TCF7L1: variants seen among roughly 807,000 people sequenced by gnomAD.
TCF7L1 encodes the protein transcription factor 7 like 1, also known as transcription factor 7-like 1.
TCF7L1 carries 18 observed loss-of-function variants against 63.7 expected under a neutral mutation model. The observed-to-expected ratio is 0.28, with a 90% confidence interval of 0.20 to 0.42. TCF7L1 has a LOEUF of 0.42. Among genes scored for constraint, TCF7L1 ranks in the 10% least tolerant of loss-of-function variants. TCF7L1 has a pLI of 1.00. For missense variants in TCF7L1, 654 were observed against 779.3 expected (o/e 0.84, Z 1.91); for synonymous variants, 355 against 340.9 (o/e 1.04, Z -0.46).
chr2:85,157,950 G>T (rs1328779541), intron 3 of TCF7L1, among the ~76,000 whole-genome samples: 1 of 152,210 alleles, frequency 6.6e-6, no homozygotes, highest in Admixed American at 6.5e-5. Context: ...TTGTGCAGAT[G>T]GGGGCATGGC....
chr2:85,135,645 C>T (rs903398624), intron 3 of TCF7L1, among the ~76,000 whole-genome samples: 7 of 150,644 alleles, frequency 4.6e-5, no homozygotes, highest in African/African-American at 1.7e-4. Context: ...CCAAGTCCTC[C>T]ACATTTGGTT....
chr2:85,257,967 G>A (rs1335603728), intron 3 of TCF7L1, among the ~76,000 whole-genome samples: 1 of 152,120 alleles, frequency 6.6e-6, no homozygotes, highest in East Asian at 1.9e-4. Context: ...TCAAATCCTG[G>A]CTCCACAACC....
At chr2:85,182,368 G>A (rs1047376870) in intron 3 of TCF7L1, among the ~76,000 whole-genome samples, 1 of 152,178 alleles carries the variant, frequency 6.6e-6, no homozygotes, top group African/African-American at 2.4e-5. Flanking sequence ...GTGCTGGCCT[G>A]GGGTGCCAGG....
intron 3 of TCF7L1, among the ~76,000 whole-genome samples, chr2:85,274,180 A>C (rs1177066284): frequency 6.6e-6 from 1 of 152,210 alleles, no homozygotes; most frequent in Admixed American, 6.5e-5. Context: ...GGCAGTGAGC[A>C]TAGACACTGC....
At chr2:85,146,095 CATGAATATTTAAACATCAATATTAAAAA>C (rs1182555701) in intron 3 of TCF7L1, among the ~76,000 whole-genome samples, 1 of 152,186 alleles carries the variant, frequency 6.6e-6, no homozygotes, top group Non-Finnish European at 1.5e-5. Context: ...TTGTTGACAA[CATGAATATTTAAACATCAATATTAAAAA>C]ATAGCCCCAT....
chr2:85,241,437 G>GTTTTTTTTTTTTTTTTT (rs772334481), intron 3 of TCF7L1, among the ~76,000 whole-genome samples: 1 of 83,070 alleles, frequency 1.2e-5, no homozygotes, highest in Non-Finnish European at 2.6e-5. Flanking sequence ...CTTTGTTTTT[G>GTTTTTTTTTTTTTTTTT]TTTTTTTTTT....
At chr2:85,168,590 A>G (rs1678474477) in intron 3 of TCF7L1, among the ~76,000 whole-genome samples, 1 of 150,536 alleles carries the variant, frequency 6.6e-6, no homozygotes, top group Admixed American at 6.6e-5. Context: ...GGGACAGGCT[A>G]TCAGAGGAGG....
At chr2:85,220,082 A>G (rs1679808450) in intron 3 of TCF7L1, among the ~76,000 whole-genome samples, 1 of 152,180 alleles carries the variant, frequency 6.6e-6, no homozygotes, top group African/African-American at 2.4e-5. Context: ...AAAAAATTGA[A>G]GACACTCATT....
chr2:85,257,733 C>G (rs1558648397), intron 3 of TCF7L1, among the ~76,000 whole-genome samples: 2 of 152,210 alleles, frequency 1.3e-5, no homozygotes, highest in African/African-American at 4.8e-5. Flanking sequence ...CCACCAGGTG[C>G]TGCTGCCCTC....
At chr2:85,207,151 A>C (rs1038795283) in intron 3 of TCF7L1, among the ~76,000 whole-genome samples, 1 of 152,212 alleles carries the variant, frequency 6.6e-6, no homozygotes, top group Non-Finnish European at 1.5e-5. Flanking sequence ...AGGGGCAAAC[A>C]TTTTAAGTTT....
chr2:85,259,507 A>G (rs1221828975), intron 3 of TCF7L1, among the ~76,000 whole-genome samples: 1 of 152,130 alleles, frequency 6.6e-6, no homozygotes, highest in African/African-American at 2.4e-5. Flanking sequence ...AAAGAATCTG[A>G]GTTTGTCTTT....
intron 3 of TCF7L1, among the ~76,000 whole-genome samples, chr2:85,204,291 T>TCCCC (rs58706474): frequency 9.1e-5 from 2 of 22,054 alleles, no homozygotes; most frequent in African/African-American, 1.9e-4. Context: ...ATAACTTGCT[T>TCCCC]CCCCCCCCCC....
chr2:85,154,530 C>T (rs1348776241), intron 3 of TCF7L1, among the ~76,000 whole-genome samples: 2 of 152,132 alleles, frequency 1.3e-5, no homozygotes, highest in South Asian at 2.1e-4. Context: ...TGGAATACTA[C>T]CCCTCCACCT....
chr2:85,191,546 T>C (rs1272859669), intron 3 of TCF7L1, among the ~76,000 whole-genome samples: 1 of 152,208 alleles, frequency 6.6e-6, no homozygotes, highest in Non-Finnish European at 1.5e-5. Context: ...GAAGTTGATT[T>C]CCTTGGCACG....
chr2:85,135,185 C>A (rs1264657480), intron 3 of TCF7L1, among the ~76,000 whole-genome samples: 1 of 152,174 alleles, frequency 6.6e-6, no homozygotes, highest in African/African-American at 2.4e-5. Flanking sequence ...CCCCAGACGA[C>A]GTGCAAATGA....
rs559875017 is a variant in TCF7L1, at chr2:85,236,850, C to G, written c.442-46645C>G. Among the ~76,000 whole-genome samples the G allele has an allele frequency of 6.6e-5, 10 of 152,272 alleles. No individual in the cohort carries two copies. In the East Asian group the frequency reaches 1.4e-3, roughly 21 times the overall value. On this transcript the variant is annotated intron_variant, in intron 3 of 11. Coordinates refer to ENST00000282111, the MANE Select transcript of TCF7L1 (RefSeq NM_031283.3). ...GGAACCAGGAGGAGAGAAGGAGGGA[C>G]TGCAGGGTCATTTGCAGTGACTGAG...
intron 4 of TCF7L1, among the ~76,000 whole-genome samples, chr2:85,298,451 C>CCAGCCTGG (rs1234815176): frequency 5.0e-5 from 7 of 140,288 alleles, no homozygotes; most frequent in African/African-American, 1.9e-4. Flanking sequence ...AGACTGCACT[C>CCAGCCTGG]CAGCCTGGTG....
chr2:85,242,310 A>G (rs897918204), intron 3 of TCF7L1, among the ~76,000 whole-genome samples: 16 of 152,212 alleles, frequency 1.1e-4, no homozygotes, highest in Non-Finnish European at 1.9e-4. Flanking sequence ...CGGCCCAAGT[A>G]AAATGCCAAC....
chr2:85,181,260 G>T (rs918647024), intron 3 of TCF7L1, among the ~76,000 whole-genome samples: 4 of 152,238 alleles, frequency 2.6e-5, no homozygotes, highest in Non-Finnish European at 5.9e-5. Context: ...TGAGGGGCAG[G>T]TAGCACAGAG....
Sources: allele counts gnomAD v4.1 joint callset (sites outside exome capture counted in the v4.1 genomes callset), GRCh38; gene constraint gnomAD v4.1.1; transcripts MANE v1.5; gene names NCBI Gene and HGNC (gene_info 2026-07-23, HGNC 2026-07-21).